Variants in TLR6 observed in about 807,000 individuals in gnomAD.
TLR6 encodes toll like receptor 6, also known as toll-like receptor 6.
Under a neutral mutation model 16.1 loss-of-function variants are expected in TLR6, and 9 were observed. The observed-to-expected ratio is 0.56, with a 90% CI of 0.34 to 0.98. The LOEUF (loss-of-function observed/expected upper bound fraction) is 0.98, where lower values mean the gene tolerates loss of function less well. Among genes scored for constraint, TLR6 ranks in the 50% least tolerant of loss-of-function variants. The pLI is 0.02. For missense variants in TLR6, 786 were observed against 921.0 expected, an observed-to-expected ratio of 0.85 and a Z score of 1.90; for synonymous variants, 340 against 338.6, an observed-to-expected ratio of 1.00 and a Z score of -0.04.
chr4:38,839,413 A>AT, intron 1 of TLR6, among the ~76,000 whole-genome samples: 1 of 152,334 alleles, frequency 6.6e-6, no homozygotes, highest in South Asian at 2.1e-4. Flanking sequence ...TACTCAAAAA[A>AT]TAGTTATTCT....
At chr4:38,863,319 G>A in the TLR6 span, among the ~76,000 whole-genome samples, 1 of 151,902 alleles carries the variant, frequency 6.6e-6, no homozygotes, top group East Asian at 1.9e-4. Flanking sequence ...CTCCTTCTGG[G>A]TCCTCTTTAT....
chr4:38,839,830 C>T (rs1369358177), intron 1 of TLR6, among the ~76,000 whole-genome samples: 1 of 152,154 alleles, frequency 6.6e-6, no homozygotes, highest in Non-Finnish European at 1.5e-5. Flanking sequence ...CTGAGTGTGG[C>T]CTATTGGGGC....
chr4:38,850,482 G>A (rs2109468533), intron 1 of TLR6, among the ~76,000 whole-genome samples: 1 of 152,208 alleles, frequency 6.6e-6, no homozygotes, highest in Middle Eastern at 3.4e-3. Context: ...TAGACCTCTA[G>A]CAAGACTAAT....
At chr4:38,866,505 T>C in the TLR6 span, among the ~76,000 whole-genome samples, 1 of 151,604 alleles carries the variant, frequency 6.6e-6, no homozygotes, top group Admixed American at 6.6e-5. Context: ...AAAAATGAAT[T>C]AATAAATTAA....
intron 1 of TLR6, among the ~76,000 whole-genome samples, chr4:38,853,511 C>T (rs1712853679): frequency 1.3e-5 from 2 of 152,084 alleles, no homozygotes; most frequent in Non-Finnish European, 2.9e-5. Context: ...ATAAGACTGT[C>T]AATGTGGAAA....
chr4:38,843,939 A>C (rs1206695326), intron 1 of TLR6: 1 of 152,264 alleles, frequency 6.6e-6, no homozygotes, highest in African/African-American at 2.4e-5. Context: ...GCAGAAAGAA[A>C]TTTGTCCTCT....
intron 1 of TLR6, among the ~76,000 whole-genome samples, chr4:38,836,238 A>G (rs1052165334): frequency 1.3e-5 from 2 of 152,122 alleles, no homozygotes; most frequent in African/African-American, 2.4e-5. Flanking sequence ...AGCTAGACTA[A>G]CCAAGACAAG....
At chr4:38,859,377 C>G (rs1231440226), upstream of TLR6, among the ~76,000 whole-genome samples, 1 of 152,126 alleles carries the variant, frequency 6.6e-6, no homozygotes, top group Non-Finnish European at 1.5e-5. Context: ...CTCCAGAACT[C>G]TGAGAGAATG....
the TLR6 span, among the ~76,000 whole-genome samples, chr4:38,862,824 T>C: frequency 6.8e-6 from 1 of 147,440 alleles, no homozygotes; most frequent in Admixed American, 6.8e-5. Context: ...CTCGATCTCC[T>C]GACCTCATGA....
exon 2 of TLR6, chr4:38,829,322 G>A (rs368692142): frequency 1.1e-5 from 18 of 1,613,962 alleles, no homozygotes; most frequent in Admixed American, 6.7e-5. Flanking sequence ...GGTTTTCAGC[G>A]GTAGGTCTTT....
chr4:38,844,954 G>A (rs1403040696), intron 1 of TLR6, among the ~76,000 whole-genome samples: 1 of 152,162 alleles, frequency 6.6e-6, no homozygotes, highest in Non-Finnish European at 1.5e-5. Flanking sequence ...AGCTACTTTG[G>A]GGGCTGAGGC....
chr4:38,858,832 G>GAAGAA (rs1713115272), upstream of TLR6, among the ~76,000 whole-genome samples: 1 of 50,870 alleles, frequency 2.0e-5, no homozygotes, highest in Admixed American at 2.2e-4. Context: ...AGAGAGAGAG[G>GAAGAA]AAGAAAGAAA....
the TLR6 span, chr4:38,868,055 G>A: frequency 2.4e-6 from 1 of 422,256 alleles, no homozygotes; most frequent in South Asian, 1.6e-5. Flanking sequence ...GTGCGGGCGT[G>A]TGAGTGTGTG....
intron 1 of TLR6, among the ~76,000 whole-genome samples, chr4:38,852,814 A>T (rs1376391280): frequency 6.6e-6 from 1 of 152,180 alleles, no homozygotes; most frequent in Non-Finnish European, 1.5e-5. Flanking sequence ...ATTGTGGAAG[A>T]CAGTGTGGTG....
chr4:38,855,590 G>A (rs1712949715), intron 1 of TLR6, among the ~76,000 whole-genome samples: 1 of 152,172 alleles, frequency 6.6e-6, no homozygotes, highest in Admixed American at 6.5e-5. Context: ...CACAGATGAG[G>A]ACCTACCCTA....
chr4:38,829,151 G>C (rs1287924976), exon 2 of TLR6: 1 of 1,614,120 alleles, frequency 6.2e-7, no homozygotes, highest in Non-Finnish European at 8.5e-7. Context: ...CTGATTATGA[G>C]ATAAATCCAA....
chr4:38,846,933 T>C (rs987774687), intron 1 of TLR6, among the ~76,000 whole-genome samples: 3 of 152,098 alleles, frequency 2.0e-5, no homozygotes, highest in Non-Finnish European at 2.9e-5. Context: ...GGGATAAATT[T>C]CAGTCATTTA....
At chr4:38,828,848 A>T in exon 2 of TLR6, 1 of 1,614,060 alleles carries the variant, frequency 6.2e-7, no homozygotes, top group Non-Finnish European at 8.5e-7. Context: ...TTGGATAGCG[A>T]ATAAACTAGT....
intron 1 of TLR6, among the ~76,000 whole-genome samples, chr4:38,855,188 G>T (rs1031597613): frequency 2.7e-5 from 4 of 149,894 alleles, no homozygotes; most frequent in Non-Finnish European, 5.9e-5. Context: ...CTCCAGCCTG[G>T]GCGACAGAGC....
Sources: allele counts gnomAD v4.1 joint callset (sites outside exome capture counted in the v4.1 genomes callset), GRCh38; gene constraint gnomAD v4.1.1; transcripts MANE v1.5; gene names NCBI Gene and HGNC (gene_info 2026-07-23, HGNC 2026-07-21).